The following PTPRF variants were observed in gnomAD, a reference collection of about 807,000 sequenced individuals.
PTPRF encodes receptor-type tyrosine-protein phosphatase F.
In PTPRF, 59 loss-of-function variants were observed where a neutral mutation model predicts 201.8. That is an observed-to-expected ratio of 0.29 (90% CI 0.24 to 0.36). The LOEUF (loss-of-function observed/expected upper bound fraction) is 0.36. Ranked by LOEUF, PTPRF falls within the 10% of genes least tolerant of loss-of-function variation. The probability of loss-of-function intolerance (pLI) is 1.00; values close to 1 mark genes in which losing one functional copy is unlikely to be tolerated. For synonymous variants in PTPRF, 1,088 were observed against 1,089.7 expected (o/e 1.00, Z 0.03); for missense variants, 2,132 against 2,690.5 (o/e 0.79, Z 4.59).
intron 6 of PTPRF, chr1:43,576,008 C>T: frequency 7.8e-7 from 1 of 1,276,330 alleles, no homozygotes; most frequent in Non-Finnish European, 1.1e-6. Context: ...CAGTCTGTCA[C>T]CTCCCCATCC....
intron 6 of PTPRF, among the ~76,000 whole-genome samples, chr1:43,573,448 G>A (rs1351474445): frequency 6.6e-6 from 1 of 152,184 alleles, no homozygotes; most frequent in Non-Finnish European, 1.5e-5. Context: ...GCGAAACCTG[G>A]GGGTCTTAAG....
chr1:43,621,829 C>T (rs1659284207), intron 33 of PTPRF, 106 bp from the exon 34 acceptor site: 5 of 1,179,892 alleles, frequency 4.2e-6, no homozygotes, highest in Non-Finnish European at 6.2e-6. Context: ...CCAGCACCTG[C>T]TCTTGGCCAG....
At chr1:43,595,802 G>A (rs1652114788) in intron 11 of PTPRF, among the ~76,000 whole-genome samples, 1 of 152,150 alleles carries the variant, frequency 6.6e-6, no homozygotes, top group African/African-American at 2.4e-5. Flanking sequence ...GGTCTTCTCT[G>A]CAGTGTGGGA....
intron 2 of PTPRF, 44 bp from the exon 3 acceptor site, chr1:43,544,987 C>T (rs767978306): frequency 1.0e-5 from 12 of 1,164,762 alleles, no homozygotes; most frequent in South Asian, 1.5e-5. Context: ...TTAGGGACAG[C>T]AGTAAATACC....
At chr1:43,604,757 A>T in intron 16 of PTPRF, 146 bp from the exon 17 acceptor site, 1 of 690,142 alleles carries the variant, frequency 1.4e-6, no homozygotes, top group South Asian at 1.7e-5. Context: ...GCTGGCTGGG[A>T]GTGGGGCGCT....
At chr1:43,532,769 G>A (rs539389828) in intron 1 of PTPRF, among the ~76,000 whole-genome samples, 1 of 152,202 alleles carries the variant, frequency 6.6e-6, no homozygotes, top group African/African-American at 2.4e-5. Context: ...CTTCAAGAAG[G>A]AGCAGGTGTA....
chr1:43,590,770 G>A (rs1027109818), intron 8 of PTPRF, among the ~76,000 whole-genome samples: 5 of 152,232 alleles, frequency 3.3e-5, no homozygotes, highest in African/African-American at 4.8e-5. Flanking sequence ...CCCTGGGTGG[G>A]GCACTGACAG....
intron 7 of PTPRF, among the ~76,000 whole-genome samples, chr1:43,584,682 C>G (rs1648656764): frequency 6.6e-6 from 1 of 152,224 alleles, no homozygotes; most frequent in Admixed American, 6.5e-5. Context: ...ATAATTGCAT[C>G]TTACATTTTT....
intron 2 of PTPRF, among the ~76,000 whole-genome samples, chr1:43,539,596 T>C (rs1423797058): frequency 6.6e-6 from 1 of 151,792 alleles, no homozygotes; most frequent in Non-Finnish European, 1.5e-5. Flanking sequence ...CTACGTTTGG[T>C]GAGATGGGCA....
intron 5 of PTPRF, among the ~76,000 whole-genome samples, chr1:43,561,981 G>A (rs776341291): frequency 2.6e-5 from 4 of 152,168 alleles, no homozygotes; most frequent in African/African-American, 4.8e-5. Context: ...TCATGACCAC[G>A]GTGGAGCCAA....
At chr1:43,594,121 C>CT (rs946678446) in intron 11 of PTPRF, among the ~76,000 whole-genome samples, 3 of 152,204 alleles carry the variant, frequency 2.0e-5, no homozygotes, top group Admixed American at 6.5e-5. Context: ...TGCATGGGGC[C>CT]TGGCCCCCAG....
At position 43,609,398 on chromosome 1, in the gene PTPRF, T is replaced by C. The variant is rs2154028246; in HGVS notation, c.3873T>C (p.Ser1291=). The C allele has an allele frequency of 1.9e-6, 3 of 1,613,960 alleles. No individual in the cohort carries two copies. Among genetic ancestry groups the C allele is most frequent in the Non-Finnish European group, 2.5e-6 (3 of 1,179,944 alleles). ...GTCTCTCTAGGAAAAGGACCCACTC[T>C]CCGTCCTCTAAGGATGAGCAGTCGA... ...ILLFKRKRTH[S]PSSKDEQSIG... The change falls in exon 22 of 34, where the codon TCT becomes TCC. Residue 1291 remains serine (S), a synonymous_variant. Coordinates refer to ENST00000359947, the MANE Select transcript of PTPRF (RefSeq NM_002840.5).
chr1:43,617,408 C>G, intron 23 of PTPRF, 37 bp from the exon 24 acceptor site: 17 of 1,613,360 alleles, frequency 1.1e-5, no homozygotes, highest in Non-Finnish European at 1.4e-5. Context: ...AACCTTGGCT[C>G]TTACCCCACC....
Position 43,619,807 on chromosome 1 carries a change from G to A in PTPRF, c.5060G>A (p.Arg1687His), listed in dbSNP as rs1387514159. 2 of 1,614,122 alleles carry A rather than the reference G, an allele frequency of 1.2e-6. No individual in the cohort carries two copies. The highest frequency in any genetic ancestry group is 2.2e-5 in the East Asian group (1 of 44,902). ...ACCCGTGTGTGTCTGCAGCCCATCC[G>A]TGGTGTGGAGGGCTCTGACTACATC... ...ELTRVCLQPI[R>H]GVEGSDYINA... is the part of the protein sequence containing the mutation. The change falls in exon 29 of 34, where the codon CGT becomes CAT. Residue 1687 changes from arginine (R) to histidine (H), a missense_variant. Transcript: ENST00000359947.
chr1:43,565,960 A>G (rs1022382484), intron 5 of PTPRF, among the ~76,000 whole-genome samples: 2 of 152,214 alleles, frequency 1.3e-5, no homozygotes, highest in African/African-American at 4.8e-5. Flanking sequence ...TTCGGCGCCA[A>G]CAGGAGGCGA....
chr1:43,606,434 C>T lies in PTPRF; in HGVS notation c.3678C>T (p.Ala1226=). The change falls in exon 20 of 34, where the codon GCC becomes GCT. Residue 1226 remains alanine (A), a synonymous_variant. Coordinates refer to ENST00000359947, the MANE Select transcript of PTPRF (RefSeq NM_002840.5). ...PDLSYQCFVL[A]SLKEPMDQKR... is the part of the protein sequence containing the mutation. ...TGAGCTACCAGTGCTTTGTGCTTGC[C>T]TCCTTGAAGGAACCCATGGACCAGG... 6.2e-7 allele frequency: 1 copy of T among 1,613,998 alleles called. No homozygotes were observed. Among genetic ancestry groups the T allele is most frequent in the Non-Finnish European group, 8.5e-7 (1 of 1,179,964 alleles).
Position 43,596,059 on chromosome 1 carries a change from G to A in PTPRF, c.1814-1689G>A, listed in dbSNP as rs115180661. On this transcript the variant is annotated intron_variant, in intron 11 of 33. Coordinates refer to ENST00000359947, the MANE Select transcript of PTPRF (RefSeq NM_002840.5). ...CTAGGGCTTGGCAGCGGCCAGGAAG[G>A]AGCATGGAAAGATCAGGAGGCGAGG... Among the ~76,000 whole-genome samples the A allele has an allele frequency of 4.2e-3, 635 of 152,260 alleles. 8 individuals carry two copies. Among genetic ancestry groups the A allele is most frequent in the African/African-American group, 0.015 (619 of 41,534 alleles).
chr1:43,579,015 G>T, intron 7 of PTPRF, 95 bp downstream of exon 7: 1 of 1,085,394 alleles, frequency 9.2e-7, no homozygotes, highest in Non-Finnish European at 1.4e-6. Context: ...GACACGCAAG[G>T]GACTGCCATG....
chr1:43,607,024 C>T lies in PTPRF; in HGVS notation c.3857+56C>T, dbSNP rs957112348. 5 of 1,592,094 alleles carry T rather than the reference C, an allele frequency of 3.1e-6. No homozygotes were observed. In the African/African-American group the frequency reaches 6.7e-5, roughly 21 times the overall value. On this transcript the variant is annotated intron_variant, in intron 21 of 33. Coordinates refer to ENST00000359947, the MANE Select transcript of PTPRF (RefSeq NM_002840.5). ...GCCACCTGCCCCTCGCCTTTCAGGCCCTCTCCGGGTGTGGTGCCTGTGGAG... is the reference window on the plus strand; with the variant it reads ...GCCACCTGCCCCTCGCCTTTCAGGCTCTCTCCGGGTGTGGTGCCTGTGGAG...
Sources: gnomAD v4.1 joint callset for allele counts (sites outside exome capture counted in the v4.1 genomes callset) on GRCh38, gnomAD v4.1.1 for gene constraint, MANE v1.5 for transcripts, NCBI Gene and HGNC (gene_info 2026-07-23, HGNC 2026-07-21) for gene names.